The following OPCML variants were observed in gnomAD, a reference collection of about 807,000 sequenced individuals.
OPCML encodes opioid binding protein/cell adhesion molecule like.
Under a neutral mutation model 37.8 loss-of-function variants are expected in OPCML, and 13 were observed. The observed-to-expected ratio is 0.34, with a 90% CI of 0.22 to 0.55. The LOEUF (loss-of-function observed/expected upper bound fraction) is 0.55, where lower values mean the gene tolerates loss of function less well. OPCML is among the 20% of genes least tolerant of loss of function. The probability of loss-of-function intolerance (pLI) is 0.91; values close to 1 mark genes in which losing one functional copy is unlikely to be tolerated. For missense variants in OPCML, 341 were observed against 435.6 expected, an observed-to-expected ratio of 0.78 and a Z score of 1.93; for synonymous variants, 176 against 168.8, an observed-to-expected ratio of 1.04 and a Z score of -0.33.
chr11:132,724,449 A>G (rs901012836), intron 2 of OPCML, among the ~76,000 whole-genome samples: 4 of 152,128 alleles, frequency 2.6e-5, no homozygotes, highest in African/African-American at 9.7e-5. Context: ...ACCTGCCCCC[A>G]TGATTCAATT....
chr11:132,552,974 C>T (rs2096385766), intron 3 of OPCML, among the ~76,000 whole-genome samples: 1 of 151,920 alleles, frequency 6.6e-6, no homozygotes, highest in Admixed American at 6.6e-5. Context: ...CAGTGTTAGC[C>T]AGGATGGTCT....
intron 1 of OPCML, among the ~76,000 whole-genome samples, chr11:133,210,490 T>C (rs11223393): frequency 0.15 from 22,247 of 152,034 alleles, 1,943 homozygotes; most frequent in African/African-American, 0.23. Flanking sequence ...CCCTTCAAGG[T>C]TTTTGTTACA....
intron 1 of OPCML, among the ~76,000 whole-genome samples, chr11:133,364,243 C>A (rs556254319): frequency 2.0e-5 from 3 of 152,210 alleles, no homozygotes; most frequent in Admixed American, 6.5e-5. Flanking sequence ...TGTGCATGTA[C>A]AAACCACCTA....
At chr11:133,051,380 A>G (rs916785558) in intron 1 of OPCML, among the ~76,000 whole-genome samples, 3 of 152,182 alleles carry the variant, frequency 2.0e-5, no homozygotes, top group Non-Finnish European at 4.4e-5. Flanking sequence ...AGGAAGAGTG[A>G]AGCAGTTAGA....
intron 2 of OPCML, among the ~76,000 whole-genome samples, chr11:132,839,639 C>T (rs1306264763): frequency 2.0e-5 from 3 of 152,106 alleles, no homozygotes; most frequent in South Asian, 2.1e-4. Context: ...CTGTTGTTGA[C>T]GCTGATTATT....
chr11:133,319,721 G>T (rs1425330622), intron 1 of OPCML, among the ~76,000 whole-genome samples: 1 of 152,184 alleles, frequency 6.6e-6, no homozygotes, highest in Admixed American at 6.5e-5. Flanking sequence ...GAGTTCAAAA[G>T]AGACGGACAC....
intron 2 of OPCML, among the ~76,000 whole-genome samples, chr11:132,739,124 G>T (rs1300579183): frequency 3.9e-5 from 6 of 152,156 alleles, no homozygotes. Context: ...GAAATAACTT[G>T]TATCTTTAAT....
At chr11:132,734,944 G>A (rs1425172740) in intron 2 of OPCML, among the ~76,000 whole-genome samples, 1 of 152,154 alleles carries the variant, frequency 6.6e-6, no homozygotes, top group Non-Finnish European at 1.5e-5. Flanking sequence ...GTTATTATGT[G>A]GGGCAGAAAG....
chr11:132,694,664 T>C (rs963954428), intron 2 of OPCML, among the ~76,000 whole-genome samples: 4 of 152,214 alleles, frequency 2.6e-5, no homozygotes, highest in Admixed American at 1.3e-4. Context: ...TCAGAGCTGT[T>C]GAAGGTGGTG....
chr11:132,538,321 T>C (rs935769332), intron 3 of OPCML, among the ~76,000 whole-genome samples: 35 of 152,252 alleles, frequency 2.3e-4, no homozygotes, highest in African/African-American at 8.2e-4. Flanking sequence ...CCACATATTG[T>C]ATGATTCCAT....
chr11:133,084,854 C>A (rs1199408106), intron 1 of OPCML, among the ~76,000 whole-genome samples: 2 of 152,096 alleles, frequency 1.3e-5, no homozygotes, highest in Non-Finnish European at 2.9e-5. Flanking sequence ...TGAGCATCTA[C>A]CATACAATAT....
chr11:132,445,336 G>T (rs1046120193), intron 4 of OPCML, among the ~76,000 whole-genome samples: 4 of 152,204 alleles, frequency 2.6e-5, no homozygotes, highest in Non-Finnish European at 5.9e-5. Flanking sequence ...CTCACTGTCA[G>T]ACCGGGAGTA....
chr11:133,423,056 T>G (rs999082969), intron 1 of OPCML: 23 of 985,296 alleles, frequency 2.3e-5, no homozygotes, highest in Non-Finnish European at 2.8e-5. Context: ...CTTACTTCCT[T>G]TAGATTTCAA....
At chr11:133,509,376 C>G (rs1948105742) in intron 1 of OPCML, among the ~76,000 whole-genome samples, 1 of 152,204 alleles carries the variant, frequency 6.6e-6, no homozygotes, top group Non-Finnish European at 1.5e-5. Context: ...CAGCTTCTTC[C>G]ATATTCCTGC....
chr11:133,414,201 C>T (rs1253161975), intron 1 of OPCML, among the ~76,000 whole-genome samples: 2 of 152,016 alleles, frequency 1.3e-5, no homozygotes, highest in East Asian at 3.9e-4. Context: ...AATCATGGGG[C>T]GAGAGACCCT....
At chr11:133,289,594 C>CAAAAAAAAAA (rs1229577687) in intron 1 of OPCML, among the ~76,000 whole-genome samples, 2 of 52,292 alleles carry the variant, frequency 3.8e-5, no homozygotes, top group African/African-American at 1.5e-4. Flanking sequence ...GACTCCATCT[C>CAAAAAAAAAA]AAAAAAAAAA....
At chr11:133,391,614 G>A (rs906996005) in intron 1 of OPCML, among the ~76,000 whole-genome samples, 5 of 152,140 alleles carry the variant, frequency 3.3e-5, no homozygotes, top group Non-Finnish European at 5.9e-5. Flanking sequence ...CATGCACTTT[G>A]TTGAAAGAAA....
At chr11:132,866,443 A>G (rs1942557882) in intron 2 of OPCML, among the ~76,000 whole-genome samples, 1 of 152,228 alleles carries the variant, frequency 6.6e-6, no homozygotes, top group African/African-American at 2.4e-5. Flanking sequence ...GAAGCACTGT[A>G]CCAAGAAAAC....
At chr11:132,801,914 T>C (rs989588666) in intron 2 of OPCML, among the ~76,000 whole-genome samples, 5 of 152,214 alleles carry the variant, frequency 3.3e-5, no homozygotes, top group Non-Finnish European at 7.3e-5. Context: ...CATTCCTCTT[T>C]AGATGTTTCT....
Sources: gnomAD v4.1 joint callset for allele counts (sites outside exome capture counted in the v4.1 genomes callset) on GRCh38, gnomAD v4.1.1 for gene constraint, MANE v1.5 for transcripts, NCBI Gene and HGNC (gene_info 2026-07-23, HGNC 2026-07-21) for gene names.